CHD7: variants seen among roughly 807,000 people sequenced by gnomAD.
CHD7 encodes ATP-dependent chromatin remodeler CHD7.
In CHD7, 24 loss-of-function variants were observed where a neutral mutation model predicts 307.3. The ratio of observed to expected loss-of-function variants is 0.08; its 90% CI spans 0.06 to 0.11. CHD7 has a LOEUF of 0.11. Ranked by LOEUF, CHD7 falls within the 10% of genes least tolerant of loss-of-function variation. CHD7 has a pLI of 1.00. For synonymous variants in CHD7, 1,363 were observed against 1,349.9 expected (o/e 1.01, Z -0.21); for missense variants, 3,106 against 3,727.1 (o/e 0.83, Z 4.34).
chr8:60,712,911 T>G (rs1807354145), intron 1 of CHD7, among the ~76,000 whole-genome samples: 1 of 151,670 alleles, frequency 6.6e-6, no homozygotes, highest in South Asian at 2.1e-4. Context: ...AGTAGCTGGG[T>G]GTGGTGGTGT....
At chr8:60,730,587 G>A (rs192639293) in intron 1 of CHD7, among the ~76,000 whole-genome samples, 109 of 152,330 alleles carry the variant, frequency 7.2e-4, no homozygotes, top group Admixed American at 6.8e-3. Context: ...GAGGCCGGGC[G>A]TGGTGGCTCA....
rs1304799169 is a variant in CHD7 at position 60,865,681 on chromosome 8, G to A, written c.8742G>A (p.Gly2914=). 1.9e-6 allele frequency: 3 copies of A among 1,606,378 alleles called. No homozygotes were observed. Among genetic ancestry groups the A allele is most frequent in the African/African-American group, 2.7e-5 (2 of 74,628 alleles). Residue 2914 remains glycine, a synonymous_variant, in exon 38 of 38, where the codon GGG becomes GGA. Coordinates refer to ENST00000423902, the MANE Select transcript of CHD7 (RefSeq NM_017780.4). This position sits in a 1 kb window ranked among gnomAD's most constrained non-coding sequence, Gnocchi z 4.3. Reference sequence around the variant, plus strand: ...CCATGTTTCTACCTCCAGGACTGGGGGGATTGACGCTGCCTGGGTTCCCAG... The same window carrying A: ...CCATGTTTCTACCTCCAGGACTGGGAGGATTGACGCTGCCTGGGTTCCCAG... ...YPSMFLPPGL[G]GLTLPGFPAL... is the part of the protein sequence containing the mutation.
intron 7 of CHD7, among the ~76,000 whole-genome samples, chr8:60,809,228 TAAAG>T (rs987177666): frequency 2.6e-5 from 4 of 152,294 alleles, no homozygotes; most frequent in East Asian, 3.9e-4. Flanking sequence ...AGTAAAAAGA[TAAAG>T]AAGTCTCTAT....
At chr8:60,731,780 T>C (rs57831926) in intron 1 of CHD7, among the ~76,000 whole-genome samples, 133 of 152,392 alleles carry the variant, frequency 8.7e-4, no homozygotes, top group African/African-American at 2.7e-3. Context: ...CAAAATACTT[T>C]TTCTAATACT....
intron 25 of CHD7, among the ~76,000 whole-genome samples, chr8:60,850,099 T>A (rs1386620639): frequency 6.6e-6 from 1 of 152,204 alleles, no homozygotes; most frequent in Non-Finnish European, 1.5e-5. Context: ...GGACTGATGC[T>A]ATTCACAGAG....
At position 60,822,191 on chromosome 8, in the gene CHD7, C is replaced by G. The variant is rs780669426; in HGVS notation, c.2957+46C>G. 4.6e-6 allele frequency: 7 copies of G among 1,512,358 alleles called. No individual in the cohort carries two copies. The South Asian group carries it at 7.8e-5, about 17-fold the overall frequency. The allele number at this position is 1,512,358 out of a possible 1,614,324, so 93.7% of individuals were successfully genotyped here. A position where few individuals can be genotyped will look rare whatever the true frequency, so the allele number is the denominator to read the frequency against. On this transcript the variant is annotated intron_variant, in intron 11 of 37. Coordinates refer to ENST00000423902, the MANE Select transcript of CHD7 (RefSeq NM_017780.4). ...TTCACTTTTAAATATATCTGTAGTTCCTTTCCTTTAGTTATTGAAAATAAT... is the reference window on the plus strand; with the variant it reads ...TTCACTTTTAAATATATCTGTAGTTGCTTTCCTTTAGTTATTGAAAATAAT...
At chr8:60,688,216 C>T (rs373335206) in intron 1 of CHD7, among the ~76,000 whole-genome samples, 5 of 152,130 alleles carry the variant, frequency 3.3e-5, no homozygotes, top group Non-Finnish European at 2.9e-5. Flanking sequence ...GTTTTGATGT[C>T]GGACAGATAC....
At chr8:60,839,006 A>G (rs1418768807) in intron 19 of CHD7, among the ~76,000 whole-genome samples, 1 of 152,242 alleles carries the variant, frequency 6.6e-6, no homozygotes, top group Non-Finnish European at 1.5e-5. Context: ...ACTTGAGCAA[A>G]TATTGCCACA....
chr8:60,781,078 A>G lies in CHD7; in HGVS notation c.1744A>G (p.Lys582Glu). 6.2e-7 allele frequency: 1 copy of G among 1,611,572 alleles called. No individual in the cohort carries two copies. The highest frequency in any genetic ancestry group is 1.1e-5 in the South Asian group (1 of 90,380). Residue 582 changes from lysine (K) to glutamate (E), a missense_variant, in exon 3 of 38, where the codon AAG (lysine) becomes GAG (glutamate). Transcript: ENST00000423902. ...QVSGPNAQLV[K>E]SDDYLPSIEQ... is the part of the protein sequence containing the mutation. ...TAGTGGACCGAATGCTCAGCTAGTG[A>G]AGAGTGATGATTACCTGCCATCAAT...
chr8:60,744,866 AT>A (rs1294663401), intron 2 of CHD7, among the ~76,000 whole-genome samples: 38 of 52,896 alleles, frequency 7.2e-4, no homozygotes, highest in South Asian at 2.4e-3. Context: ...AAAAAAAAAA[AT>A]TTTTTTTTTT....
chr8:60,818,598 T>C (rs1312978716), intron 8 of CHD7, among the ~76,000 whole-genome samples: 1 of 152,226 alleles, frequency 6.6e-6, no homozygotes, highest in Admixed American at 6.5e-5. Context: ...TTTTTTGCCT[T>C]ACTAATCTAC....
At chr8:60,706,061 A>G (rs889606507) in intron 1 of CHD7, among the ~76,000 whole-genome samples, 6 of 152,130 alleles carry the variant, frequency 3.9e-5, no homozygotes, top group Non-Finnish European at 8.8e-5. Context: ...TGGGCATTCT[A>G]AAAGGATACA....
intron 7 of CHD7, among the ~76,000 whole-genome samples, chr8:60,812,305 T>C (rs1812848839): frequency 6.6e-6 from 1 of 152,190 alleles, no homozygotes; most frequent in Non-Finnish European, 1.5e-5. Flanking sequence ...TTTATTCTTG[T>C]GTATTGTGTA....
chr8:60,805,470 G>C (rs1812493289), intron 6 of CHD7, among the ~76,000 whole-genome samples: 1 of 152,180 alleles, frequency 6.6e-6, no homozygotes, highest in Non-Finnish European at 1.5e-5. Flanking sequence ...TTCAGAACCT[G>C]GTTGGTTCCT....
chr8:60,685,222 A>G (rs1055243612), intron 1 of CHD7, among the ~76,000 whole-genome samples: 3 of 152,258 alleles, frequency 2.0e-5, no homozygotes, highest in Admixed American at 6.5e-5. Context: ...CTTTAAAAAA[A>G]GTAATCTGCT....
At chr8:60,802,888 G>A (rs987300515) in intron 6 of CHD7, among the ~76,000 whole-genome samples, 2 of 152,132 alleles carry the variant, frequency 1.3e-5, no homozygotes, top group Non-Finnish European at 1.5e-5. Context: ...TGTGATTCAA[G>A]GTATGAATTT....
chr8:60,748,630 CTAAT>C (rs981334798), intron 2 of CHD7, among the ~76,000 whole-genome samples: 4 of 152,252 alleles, frequency 2.6e-5, no homozygotes, highest in Admixed American at 6.5e-5. Context: ...TAAAGAAAGA[CTAAT>C]TAAGTGGATT....
rs1586390663 is a variant in CHD7, at chr8:60,822,384, A to C, written c.2958-119A>C. The C allele has an allele frequency of 1.8e-5, 18 of 981,042 alleles. No individual in the cohort carries two copies. In the South Asian group the frequency reaches 3.4e-4, roughly 18 times the overall value. The allele number at this position is 981,042 out of a possible 1,614,324, so 60.8% of individuals were successfully genotyped here. A position where few individuals can be genotyped will look rare whatever the true frequency, so the allele number is the denominator to read the frequency against. On this transcript the variant is annotated intron_variant, in intron 11 of 37. Transcript: ENST00000423902. Reference sequence around the variant, plus strand: ...GAAAATATATTTTGTTGAATCTAAGAGAACATCTAAAGCCTTTGGGTATGC... The same window carrying C: ...GAAAATATATTTTGTTGAATCTAAGCGAACATCTAAAGCCTTTGGGTATGC...
At chr8:60,722,705 T>G (rs1469472286) in intron 1 of CHD7, among the ~76,000 whole-genome samples, 1 of 152,214 alleles carries the variant, frequency 6.6e-6, no homozygotes, top group Non-Finnish European at 1.5e-5. Flanking sequence ...CCTATTTTTA[T>G]AAATCTCTTT....
Sources: allele counts gnomAD v4.1 joint callset (sites outside exome capture counted in the v4.1 genomes callset), GRCh38; gene constraint gnomAD v4.1.1; non-coding constraint Gnocchi (gnomAD v3.1); transcripts MANE v1.5; gene names NCBI Gene and HGNC (gene_info 2026-07-23, HGNC 2026-07-21).